Variants in SLC2A13 observed in about 807,000 individuals in gnomAD.
SLC2A13 encodes solute carrier family 2 member 13, also known as proton myo-inositol cotransporter.
Under a neutral mutation model 64.4 loss-of-function variants are expected in SLC2A13, and 32 were observed. That is an observed-to-expected ratio of 0.50 (90% CI 0.37 to 0.67). The LOEUF is 0.67. SLC2A13 is among the 30% of genes least tolerant of loss of function. SLC2A13 has a pLI of 0.00. For synonymous variants in SLC2A13, 338 were observed against 327.1 expected, an observed-to-expected ratio of 1.03 and a Z score of -0.36; for missense variants, 743 against 829.2, an observed-to-expected ratio of 0.90 and a Z score of 1.28.
chr12:40,072,518 A>G (rs1321113602), intron 1 of SLC2A13, among the ~76,000 whole-genome samples: 2 of 151,940 alleles, frequency 1.3e-5, no homozygotes, highest in African/African-American at 4.8e-5. Context: ...TGATTCATCT[A>G]TTTTTTCCTC....
At chr12:39,877,113 G>A (rs896089767) in intron 4 of SLC2A13, among the ~76,000 whole-genome samples, 3 of 151,950 alleles carry the variant, frequency 2.0e-5, no homozygotes, top group Admixed American at 6.6e-5. Flanking sequence ...TTTTCCTATT[G>A]GGAGACTGTT....
intron 1 of SLC2A13, among the ~76,000 whole-genome samples, chr12:40,070,944 A>G (rs1029683233): frequency 4.6e-5 from 7 of 152,144 alleles, no homozygotes; most frequent in African/African-American, 1.7e-4. Context: ...TATTTATATA[A>G]AGGAACAGAA....
intron 5 of SLC2A13, among the ~76,000 whole-genome samples, chr12:39,871,535 C>T (rs959121027): frequency 2.0e-5 from 3 of 151,834 alleles, no homozygotes; most frequent in Admixed American, 1.3e-4. Context: ...GAGTGGAACT[C>T]AAGTAACAGA....
chr12:39,769,611 T>C (rs946410948), intron 7 of SLC2A13, among the ~76,000 whole-genome samples: 23 of 152,016 alleles, frequency 1.5e-4, no homozygotes, highest in African/African-American at 5.3e-4. Context: ...CTGCCCTTCT[T>C]ATCAGTGTTC....
chr12:39,834,660 G>C (rs1444409492), intron 6 of SLC2A13, among the ~76,000 whole-genome samples: 1 of 152,012 alleles, frequency 6.6e-6, no homozygotes, highest in East Asian at 1.9e-4. Context: ...TCCAAGGAGT[G>C]GGGCTCGGTG....
intron 7 of SLC2A13, among the ~76,000 whole-genome samples, chr12:39,805,925 A>G (rs1436697990): frequency 1.3e-5 from 2 of 152,196 alleles, no homozygotes. Context: ...AGGTAATTGA[A>G]TCTAACAGCA....
At chr12:39,904,957 C>G (rs1005278175) in intron 4 of SLC2A13, among the ~76,000 whole-genome samples, 1 of 152,054 alleles carries the variant, frequency 6.6e-6, no homozygotes, top group South Asian at 2.1e-4. Flanking sequence ...TTGATACAGA[C>G]GTGCAGGCAA....
At position 39,915,987 on chromosome 12, in the gene SLC2A13, T is replaced by C. The variant is rs1268178713; in HGVS notation, c.1034+35270A>G. On this transcript the variant is annotated intron_variant, in intron 4 of 9. Transcript: ENST00000280871. ...ACAAAGAATACCTCCAAATGCCTTT[T>C]ACTCCTATTTCCAAGAATTTAATCA... Among the ~76,000 whole-genome samples, 3 of 151,978 alleles carry C rather than the reference T, an allele frequency of 2.0e-5. No individual in the cohort carries two copies. In the East Asian group the frequency reaches 5.8e-4, roughly 29 times the overall value.
Position 40,105,508 on chromosome 12 carries a change from C to A in SLC2A13, c.301G>T (p.Val101Leu). Residue 101 changes from valine (V) to leucine (L), a missense_variant, in exon 1 of 10, where the codon GTG (valine) becomes TTG (leucine). Transcript: ENST00000280871. The surrounding 1 kb of genome is among the most constrained non-coding windows in gnomAD (Gnocchi z 4.2). ...AGCAGCAGCATGGCCCCTGACACCACCCCGGTGTCATAGCCAAACAGGAAG... is the reference window on the plus strand; with the variant it reads ...AGCAGCAGCATGGCCCCTGACACCAACCCGGTGTCATAGCCAAACAGGAAG... ...GGFLFGYDTG[V>L]VSGAMLLLKR... is the part of the protein sequence containing the mutation. The A allele has an allele frequency of 6.3e-7, 1 of 1,579,506 alleles. No homozygotes were observed. Among genetic ancestry groups the A allele is most frequent in the Non-Finnish European group, 8.6e-7 (1 of 1,164,924 alleles).
chr12:39,882,791 T>C (rs1408438118), intron 4 of SLC2A13, among the ~76,000 whole-genome samples: 1 of 152,226 alleles, frequency 6.6e-6, no homozygotes, highest in Non-Finnish European at 1.5e-5. Context: ...GCTAGAATTA[T>C]TACTCTTTCC....
At chr12:40,085,879 T>A (rs1021796803) in intron 1 of SLC2A13, among the ~76,000 whole-genome samples, 1 of 152,152 alleles carries the variant, frequency 6.6e-6, no homozygotes, top group Non-Finnish European at 1.5e-5. Flanking sequence ...TACTCCCATC[T>A]TCTTTTTTTT....
At chr12:39,863,218 C>G (rs1943808312) in intron 6 of SLC2A13, among the ~76,000 whole-genome samples, 1 of 152,028 alleles carries the variant, frequency 6.6e-6, no homozygotes. Flanking sequence ...ATGATAATAC[C>G]TTACATCATA....
rs571430072 is a variant in SLC2A13, at chr12:40,105,626, G to A, written c.183C>T (p.Val61=). The stretch of plus-strand genomic sequence containing the variant: ...GCCGCGCCGCGCGCTCCAGGTCCCC[G>A]ACGCCGCCGCCGCCCGCGCCCGCGC... The part of the protein sequence containing the change: ...LQSAGAGGGG[V]GDLERAARRQ... Residue 61 remains valine (V), a synonymous_variant, in exon 1 of 10, where the codon GTC becomes GTT. Coordinates refer to ENST00000280871, the MANE Select transcript of SLC2A13 (RefSeq NM_052885.4). This position sits in a 1 kb window ranked among gnomAD's most constrained non-coding sequence, Gnocchi z 4.2. 3.4e-6 allele frequency: 5 copies of A among 1,491,862 alleles called. No homozygotes were observed. Among genetic ancestry groups the A allele is most frequent in the East Asian group, 5.6e-5 (2 of 35,808 alleles). 92.4% of individuals were successfully genotyped at this position (1,491,862 alleles called of 1,614,324 possible). A position where few individuals can be genotyped will look rare whatever the true frequency, so the allele number is the denominator to read the frequency against.
At chr12:40,006,923 T>C (rs551791455) in intron 3 of SLC2A13, among the ~76,000 whole-genome samples, 1 of 152,192 alleles carries the variant, frequency 6.6e-6, no homozygotes, top group African/African-American at 2.4e-5. Context: ...AAATTCCCAT[T>C]TGAGTATTTG....
At chr12:39,831,690 C>A (rs149042810) in intron 6 of SLC2A13, among the ~76,000 whole-genome samples, 3 of 152,074 alleles carry the variant, frequency 2.0e-5, no homozygotes, top group Non-Finnish European at 2.9e-5. Context: ...TGGTTTAGTG[C>A]CATCCCCTTG....
intron 3 of SLC2A13, among the ~76,000 whole-genome samples, chr12:40,011,923 G>A (rs1413072174): frequency 6.6e-6 from 1 of 152,190 alleles, no homozygotes; most frequent in African/African-American, 2.4e-5. Context: ...CTGGGCAGCT[G>A]CAGAGGTCGC....
chr12:39,994,251 G>A (rs1380321767), intron 3 of SLC2A13, among the ~76,000 whole-genome samples: 2 of 151,840 alleles, frequency 1.3e-5, no homozygotes, highest in Non-Finnish European at 2.9e-5. Flanking sequence ...AGGCGTGGTG[G>A]CAGGCACTGT....
intron 3 of SLC2A13, among the ~76,000 whole-genome samples, chr12:40,016,392 A>G (rs1408611898): frequency 1.3e-5 from 2 of 152,226 alleles, no homozygotes; most frequent in Admixed American, 1.3e-4. Flanking sequence ...TTTGAGAACC[A>G]TGAGTTTCCA....
At chr12:40,085,079 C>T (rs1258376257) in intron 1 of SLC2A13, among the ~76,000 whole-genome samples, 1 of 152,164 alleles carries the variant, frequency 6.6e-6, no homozygotes, top group African/African-American at 2.4e-5. Context: ...CAGAGCACTT[C>T]TCGACAGATG....
Sources: gnomAD v4.1 joint callset for allele counts (sites outside exome capture counted in the v4.1 genomes callset) on GRCh38, gnomAD v4.1.1 for gene constraint, Gnocchi (gnomAD v3.1) non-coding constraint, MANE v1.5 for transcripts, NCBI Gene and HGNC (gene_info 2026-07-23, HGNC 2026-07-21) for gene names.